The following CSMD2 variants were observed in gnomAD, a reference collection of about 807,000 sequenced individuals.
CSMD2 encodes CUB and sushi domain-containing protein 2.
CSMD2 carries 130 observed loss-of-function variants against 398.5 expected under a neutral mutation model. The observed-to-expected ratio is 0.33, with a 90% CI of 0.28 to 0.38. The LOEUF is 0.38. Ranked by LOEUF, CSMD2 falls within the 10% of genes least tolerant of loss-of-function variation. The probability of loss-of-function intolerance (pLI) is 1.00; values close to 1 mark genes in which losing one functional copy is unlikely to be tolerated. For missense variants in CSMD2, 3,829 were observed against 4,764.9 expected (o/e 0.80, Z 5.78); for synonymous variants, 1,828 against 1,908.5 (o/e 0.96, Z 1.10).
intron 57 of CSMD2, among the ~76,000 whole-genome samples, chr1:33,545,551 C>T (rs1371389848): frequency 1.3e-5 from 2 of 152,162 alleles, no homozygotes; most frequent in African/African-American, 2.4e-5. Context: ...GGAAAGGGAG[C>T]ATTCTAAGGT....
chr1:33,772,379 C>T, intron 13 of CSMD2, 190 bp downstream of exon 13: 2 of 570,150 alleles, frequency 3.5e-6, no homozygotes, highest in African/African-American at 1.9e-5. Flanking sequence ...GTTCTCAGTG[C>T]TACAGTCGAC....
At chr1:33,601,187 C>T (rs1044250526) in intron 43 of CSMD2, among the ~76,000 whole-genome samples, 177 bp from the exon 44 acceptor site, 21 of 152,002 alleles carry the variant, frequency 1.4e-4, no homozygotes, top group African/African-American at 5.1e-4. Context: ...ACTTGGTCTC[C>T]CAACATAGTT....
intron 1 of CSMD2, among the ~76,000 whole-genome samples, chr1:34,117,670 A>T (rs1171759145): frequency 6.6e-6 from 1 of 152,118 alleles, no homozygotes; most frequent in East Asian, 1.9e-4. Context: ...AAAACAAACA[A>T]ACAAAAACTA....
intron 46 of CSMD2, among the ~76,000 whole-genome samples, chr1:33,585,972 C>A (rs1385176853): frequency 8.6e-6 from 1 of 116,710 alleles, no homozygotes; most frequent in African/African-American, 2.7e-5. Context: ...CAATCAGGTA[C>A]CTTGCCTTAG....
intron 1 of CSMD2, among the ~76,000 whole-genome samples, chr1:34,159,384 G>T (rs1351680970): frequency 6.7e-6 from 1 of 148,788 alleles, no homozygotes; most frequent in Non-Finnish European, 1.5e-5. Flanking sequence ...GCTGCTTGAG[G>T]ATTAGAAGTG....
In CSMD2 at chr1:33,652,647, A is replaced by G. The variant is rs141047696; in HGVS notation, c.4448-186T>C. On this transcript the variant is annotated intron_variant, in intron 27 of 70. Transcript: ENST00000373381. The stretch of plus-strand genomic sequence containing the variant: ...TTTGGAGGGTGGGAATATTTCAGAG[A>G]TAGTGGTGGTGGTTGCGCAACATTT... Among the ~76,000 whole-genome samples the G allele has an allele frequency of 3.1e-4, 47 of 152,330 alleles. No homozygotes were observed. The East Asian group carries it at 9.1e-3, about 29-fold the overall frequency.
chr1:33,677,568 G>A (rs1334534754), intron 25 of CSMD2, among the ~76,000 whole-genome samples: 2 of 152,128 alleles, frequency 1.3e-5, no homozygotes, highest in Non-Finnish European at 1.5e-5. Context: ...CAGGGATCTA[G>A]AACTAGAAAT....
Position 33,519,403 on chromosome 1 carries a change from G to A in CSMD2, c.*53+62C>T. Reference sequence around the variant, plus strand: ...TGCGACTCCGTTGGGTGGAGCCCCTGGCACGCATAGGTCCCTGTCTGTGCT... The same window carrying A: ...TGCGACTCCGTTGGGTGGAGCCCCTAGCACGCATAGGTCCCTGTCTGTGCT... On this transcript the variant is annotated intron_variant, in intron 70 of 70. Transcript: ENST00000373381. The surrounding 1 kb of genome is among the most constrained non-coding windows in gnomAD (Gnocchi z 5.6). 1.9e-6 allele frequency: 2 copies of A among 1,032,912 alleles called. No individual in the cohort carries two copies. Among genetic ancestry groups the A allele is most frequent in the South Asian group, 2.8e-5 (2 of 70,584 alleles). The allele number at this position is 1,032,912 out of a possible 1,614,324, so 64.0% of individuals were successfully genotyped here.
chr1:34,088,263 C>A (rs913368269), intron 2 of CSMD2, among the ~76,000 whole-genome samples: 11 of 152,234 alleles, frequency 7.2e-5, no homozygotes, highest in Non-Finnish European at 4.4e-5. Context: ...GGAAGCCACG[C>A]TGACCTGACC....
chr1:33,857,196 A>C (rs143056832), intron 5 of CSMD2, among the ~76,000 whole-genome samples: 37 of 152,160 alleles, frequency 2.4e-4, no homozygotes, highest in Non-Finnish European at 5.3e-4. Context: ...CACCCACTTC[A>C]TTGAGTGGTT....
chr1:34,076,928 A>AAAAAAAAAAAAAAAATATATATAT (rs1232288848), intron 2 of CSMD2, among the ~76,000 whole-genome samples: 3 of 53,600 alleles, frequency 5.6e-5, no homozygotes, highest in African/African-American at 2.6e-4. Context: ...AAAAAAAAAA[A>AAAAAAAAAAAAAAAATATATATAT]ATATATATAT....
intron 3 of CSMD2, among the ~76,000 whole-genome samples, chr1:33,985,668 G>T (rs989607563): frequency 7.2e-5 from 11 of 152,196 alleles, no homozygotes; most frequent in Non-Finnish European, 1.6e-4. Flanking sequence ...CTTTAAGGAG[G>T]TTAAGTAGGA....
At chr1:33,904,869 A>T (rs1642988192) in intron 5 of CSMD2, among the ~76,000 whole-genome samples, 1 of 152,134 alleles carries the variant, frequency 6.6e-6, no homozygotes, top group Non-Finnish European at 1.5e-5. Context: ...GATGGTCTCA[A>T]TCTCCTGACC....
chr1:33,953,663 C>G (rs903049504), intron 3 of CSMD2, among the ~76,000 whole-genome samples: 2 of 152,166 alleles, frequency 1.3e-5, no homozygotes, highest in African/African-American at 4.8e-5. Context: ...AAGAAAGGAG[C>G]CACAGGCCCC....
At chr1:33,945,094 C>T (rs1644800301) in intron 3 of CSMD2, among the ~76,000 whole-genome samples, 1 of 152,072 alleles carries the variant, frequency 6.6e-6, no homozygotes, top group East Asian at 1.9e-4. Context: ...CAGAACTCTC[C>T]TTGCTGCTTC....
At chr1:33,950,927 T>C (rs536573384) in intron 3 of CSMD2, among the ~76,000 whole-genome samples, 1 of 152,352 alleles carries the variant, frequency 6.6e-6, no homozygotes, top group Non-Finnish European at 1.5e-5. Flanking sequence ...ACCATGGTGA[T>C]TGTTCACCAA....
intron 3 of CSMD2, among the ~76,000 whole-genome samples, chr1:33,976,891 C>T (rs1182755941): frequency 6.6e-6 from 1 of 151,998 alleles, no homozygotes; most frequent in African/African-American, 2.4e-5. Context: ...GGTTCTTTAC[C>T]CCTTCCCTTT....
intron 19 of CSMD2, among the ~76,000 whole-genome samples, chr1:33,719,983 C>T (rs956782781): frequency 6.6e-6 from 1 of 152,204 alleles, no homozygotes; most frequent in African/African-American, 2.4e-5. Context: ...CCTGAATTGG[C>T]TGCTCCCTTG....
At chr1:34,050,747 G>A (rs897948336) in intron 2 of CSMD2, among the ~76,000 whole-genome samples, 7 of 152,174 alleles carry the variant, frequency 4.6e-5, no homozygotes, top group African/African-American at 7.2e-5. Context: ...CTGACAAAGT[G>A]TTTCCTTCCT....
Sources: allele counts gnomAD v4.1 joint callset (sites outside exome capture counted in the v4.1 genomes callset), GRCh38; gene constraint gnomAD v4.1.1; non-coding constraint Gnocchi (gnomAD v3.1); transcripts MANE v1.5; gene names NCBI Gene and HGNC (gene_info 2026-07-23, HGNC 2026-07-21).